The following NGF variants were observed in gnomAD, a reference collection of about 807,000 sequenced individuals.
NGF encodes beta-nerve growth factor.
In NGF, 4 loss-of-function variants were observed where a neutral mutation model predicts 12.8. The ratio of observed to expected loss-of-function variants is 0.31; its 90% CI spans 0.15 to 0.72. The LOEUF is 0.72. Ranked by LOEUF, NGF falls within the 30% of genes least tolerant of loss-of-function variation. The pLI is 0.69. For synonymous variants in NGF, 140 were observed against 130.0 expected (o/e 1.08, Z -0.52); for missense variants, 283 against 330.8 (o/e 0.86, Z 1.12).
At chr1:115,319,126 C>A (rs1571090974) in intron 1 of NGF, among the ~76,000 whole-genome samples, 1 of 152,252 alleles carries the variant, frequency 6.6e-6, no homozygotes, top group East Asian at 1.9e-4. Context: ...TCTTCTCCAG[C>A]ATGGGCCAAG....
chr1:115,301,711 A>G (rs1018198058), intron 1 of NGF, among the ~76,000 whole-genome samples: 1 of 152,206 alleles, frequency 6.6e-6, no homozygotes, highest in Admixed American at 6.5e-5. Flanking sequence ...TCATTTGCCA[A>G]CAAAGATGCT....
chr1:115,295,515 A>G (rs989974877), intron 1 of NGF, among the ~76,000 whole-genome samples: 7 of 152,106 alleles, frequency 4.6e-5, no homozygotes, highest in African/African-American at 1.7e-4. Context: ...ATCTGGTCCC[A>G]TTACTCATGG....
At chr1:115,295,935 C>A (rs769872678) in intron 1 of NGF, among the ~76,000 whole-genome samples, 5 of 152,072 alleles carry the variant, frequency 3.3e-5, no homozygotes, top group Non-Finnish European at 7.4e-5. Flanking sequence ...TACTTAACTT[C>A]CTAAAGCAAG....
At chr1:115,319,286 G>A (rs548671245) in intron 1 of NGF, among the ~76,000 whole-genome samples, 1 of 152,238 alleles carries the variant, frequency 6.6e-6, no homozygotes, top group Admixed American at 6.5e-5. Context: ...TTGTCTGGCT[G>A]CTTCCTTCGC....
rs1432643322 is a variant in NGF at position 115,286,134 on chromosome 1, C to T, written c.662G>A (p.Arg221Gln). ...ACAGGCCGTATCTATCCGGATAAAC[C>T]GCCAGGCAGCCTGCTTGCCATCCAT... ...LTMDGKQAAWRFIRIDTACVC... is the reference protein window; with the variant it reads ...LTMDGKQAAWQFIRIDTACVC... The change falls in exon 3 of 3, where the codon CGG becomes CAG. Residue 221 changes from arginine (R) to glutamine (Q), a missense_variant. Physicochemically the swap from Arg to Gln is conservative, Grantham distance 43. This residue lies in a region of NGF where 132 missense variants were observed against 189.2 expected (regional missense o/e 0.70). Transcript: ENST00000369512. The T allele has an allele frequency of 3.1e-6, 5 of 1,613,526 alleles. No homozygotes were observed. Among genetic ancestry groups the T allele is most frequent in the East Asian group, 2.2e-5 (1 of 44,848 alleles).
Position 115,286,147 on chromosome 1 carries a change from G to A in NGF, c.649C>T (p.Gln217Ter). Residue 217 changes from glutamine (Q) to a stop codon, truncating the protein, a stop_gained, in exon 3 of 3, where the codon CAG (glutamine) becomes TAG (stop). Coordinates refer to ENST00000369512, the MANE Select transcript of NGF (RefSeq NM_002506.3). LOFTEE classifies it high-confidence loss of function. ...FVKALTMDGK[Q>*]AAWRFIRIDT... ...ATCCGGATAAACCGCCAGGCAGCCT[G>A]CTTGCCATCCATGGTCAGCGCCTTG... The A allele has an allele frequency of 6.2e-7, 1 of 1,613,716 alleles. No homozygotes were observed. Among genetic ancestry groups the A allele is most frequent in the Non-Finnish European group, 8.5e-7 (1 of 1,179,668 alleles).
intron 2 of NGF, among the ~76,000 whole-genome samples, chr1:115,293,149 A>G (rs979745003): frequency 6.6e-6 from 1 of 152,188 alleles, no homozygotes; most frequent in African/African-American, 2.4e-5. Flanking sequence ...ATGTAGTAAG[A>G]TTAAGTAATT....
intron 1 of NGF, among the ~76,000 whole-genome samples, chr1:115,296,272 C>T (rs2101028482): frequency 6.6e-6 from 1 of 152,282 alleles, no homozygotes. Flanking sequence ...AATAGACTTG[C>T]AGTACCCACT....
At chr1:115,291,591 G>A (rs1326941602) in intron 2 of NGF, among the ~76,000 whole-genome samples, 2 of 152,236 alleles carry the variant, frequency 1.3e-5, no homozygotes, top group Non-Finnish European at 2.9e-5. Context: ...GAGTGGGGCA[G>A]CCCATTGGGA....
At chr1:115,317,142 G>A (rs1469516755) in intron 1 of NGF, among the ~76,000 whole-genome samples, 1 of 152,130 alleles carries the variant, frequency 6.6e-6, no homozygotes, top group Non-Finnish European at 1.5e-5. Flanking sequence ...TTGCATGGTG[G>A]AGAGGGGATG....
At chr1:115,300,914 C>A (rs1464785100) in intron 1 of NGF, among the ~76,000 whole-genome samples, 1 of 152,116 alleles carries the variant, frequency 6.6e-6, no homozygotes, top group African/African-American at 2.4e-5. Flanking sequence ...TGCTGGAATG[C>A]CATCAGGGTG....
At position 115,337,278 on chromosome 1, in the gene NGF, T is replaced by G. The variant is rs1446243185; in HGVS notation, c.-137+926A>C. Among the ~76,000 whole-genome samples, 240 of 76,132 alleles carry G rather than the reference T, an allele frequency of 3.2e-3. 17 individuals are homozygous for G. In the East Asian group the frequency reaches 0.032, roughly 10 times the overall value. 49.9% of individuals were successfully genotyped at this position (76,132 alleles called of 152,430 possible). On this transcript the variant is annotated intron_variant, in intron 1 of 2. Transcript: ENST00000369512. Reference sequence around the variant, plus strand: ...TTTGTTTTGTTTTTGTTTTTTTTTTTTTTTTTTTTTTTTTTTTTTTTTTTT... The same window carrying G: ...TTTGTTTTGTTTTTGTTTTTTTTTTGTTTTTTTTTTTTTTTTTTTTTTTTT...
chr1:115,329,191 C>T (rs1043329915), intron 1 of NGF, among the ~76,000 whole-genome samples: 2 of 152,086 alleles, frequency 1.3e-5, no homozygotes, highest in Admixed American at 1.3e-4. Flanking sequence ...ATGATGACAG[C>T]AGCTCTCACT....
At chr1:115,319,714 A>G (rs895086310) in intron 1 of NGF, among the ~76,000 whole-genome samples, 11 of 152,180 alleles carry the variant, frequency 7.2e-5, no homozygotes, top group African/African-American at 2.7e-4. Flanking sequence ...TTGCAGCAGT[A>G]CCATCTCCTA....
chr1:115,322,258 A>T (rs1036385916), intron 1 of NGF, among the ~76,000 whole-genome samples: 1 of 152,120 alleles, frequency 6.6e-6, no homozygotes, highest in Non-Finnish European at 1.5e-5. Context: ...GTGCTGAATA[A>T]ATTCCTTTCA....
chr1:115,321,575 GATGTGTGTGT>G (rs1654626893), intron 1 of NGF, among the ~76,000 whole-genome samples: 1 of 106,710 alleles, frequency 9.4e-6, no homozygotes, highest in Non-Finnish European at 2.0e-5. Flanking sequence ...GTGTGTATGG[GATGTGTGTGT>G]GTGTGTGTGT....
Position 115,285,919 on chromosome 1 carries a change from C to A in NGF, c.*151G>T. 1 of 1,136,010 alleles carries A rather than the reference C, an allele frequency of 8.8e-7. No individual in the cohort carries two copies. 70.4% of individuals were successfully genotyped at this position (1,136,010 alleles called of 1,614,324 possible). A position where few individuals can be genotyped will look rare whatever the true frequency, so the allele number is the denominator to read the frequency against. Reference sequence around the variant, plus strand: ...ATAACCAGCATCAGCACACAGGATGCTTCCAAAAATTTAATAAATAATGAT... The same window carrying A: ...ATAACCAGCATCAGCACACAGGATGATTCCAAAAATTTAATAAATAATGAT... On this transcript the variant is annotated 3_prime_UTR_variant, in exon 3 of 3. Transcript: ENST00000369512.
intron 1 of NGF, among the ~76,000 whole-genome samples, chr1:115,299,442 T>C (rs1286276522): frequency 6.6e-6 from 1 of 152,152 alleles, no homozygotes; most frequent in African/African-American, 2.4e-5. Flanking sequence ...GGCCTTCTAT[T>C]GTGTGTGGCG....
chr1:115,306,650 G>A (rs1487740796), intron 1 of NGF, among the ~76,000 whole-genome samples: 8 of 152,226 alleles, frequency 5.3e-5, no homozygotes, highest in Non-Finnish European at 1.2e-4. Flanking sequence ...CAGCAAATTG[G>A]TGGTTTTCAT....
Sources: gnomAD v4.1 joint callset for allele counts (sites outside exome capture counted in the v4.1 genomes callset) on GRCh38, gnomAD v4.1.1 for gene constraint, gnomAD v4.1.1 regional missense constraint, MANE v1.5 for transcripts, NCBI Gene and HGNC (gene_info 2026-07-23, HGNC 2026-07-21) for gene names.